Variants in CPPED1 observed in about 807,000 individuals in gnomAD.
The protein encoded by CPPED1 is calcineurin like phosphoesterase domain containing 1.
Under a neutral mutation model 28.0 loss-of-function variants are expected in CPPED1, and 28 were observed. The ratio of observed to expected loss-of-function variants is 1.00; its 90% CI spans 0.74 to 1.37. The LOEUF (loss-of-function observed/expected upper bound fraction) is 1.37, where lower values mean the gene tolerates loss of function less well. CPPED1 is among the 40% of genes most tolerant of loss of function. The pLI is 0.00. For missense variants in CPPED1, 504 were observed against 416.5 expected (o/e 1.21, Z -1.83); for synonymous variants, 198 against 180.2 (o/e 1.10, Z -0.79).
intron 3 of CPPED1, among the ~76,000 whole-genome samples, chr16:12,692,839 G>A (rs1444737505): frequency 6.6e-6 from 1 of 152,184 alleles, no homozygotes; most frequent in Admixed American, 6.5e-5. Context: ...GAAAGAGCAC[G>A]CAGCATAGGG....
intron 2 of CPPED1, among the ~76,000 whole-genome samples, chr16:12,756,942 C>G (rs563893605): frequency 6.6e-6 from 1 of 152,332 alleles, no homozygotes; most frequent in East Asian, 1.9e-4. Flanking sequence ...CTTTCCACAT[C>G]TTACTTCTAA....
At chr16:12,690,183 G>C (rs757794830) in intron 3 of CPPED1, among the ~76,000 whole-genome samples, 3 of 152,100 alleles carry the variant, frequency 2.0e-5, no homozygotes, top group Non-Finnish European at 4.4e-5. Flanking sequence ...GAGTCTGCGG[G>C]GGTGGGTACA....
chr16:12,710,623 G>C (rs1240294334), intron 2 of CPPED1, among the ~76,000 whole-genome samples: 1 of 152,086 alleles, frequency 6.6e-6, no homozygotes, highest in African/African-American at 2.4e-5. Flanking sequence ...AGTATATGGA[G>C]AACTCCTAAA....
chr16:12,721,438 G>T (rs942315034), intron 2 of CPPED1, among the ~76,000 whole-genome samples: 1 of 152,018 alleles, frequency 6.6e-6, no homozygotes, highest in Non-Finnish European at 1.5e-5. Context: ...CTGGAACTAG[G>T]AGTAGAGAAA....
intron 1 of CPPED1, among the ~76,000 whole-genome samples, chr16:12,784,458 T>C (rs1270104714): frequency 6.6e-6 from 1 of 152,182 alleles, no homozygotes; most frequent in African/African-American, 2.4e-5. Context: ...TCAGGGTAAT[T>C]TGTTACACAG....
At chr16:12,684,318 C>T (rs2079921427) in intron 3 of CPPED1, among the ~76,000 whole-genome samples, 1 of 152,178 alleles carries the variant, frequency 6.6e-6, no homozygotes, top group Admixed American at 6.5e-5. Flanking sequence ...TGGGACCAGC[C>T]TGGGCAACAA....
intron 2 of CPPED1, among the ~76,000 whole-genome samples, chr16:12,719,828 C>G (rs1479049285): frequency 6.6e-6 from 1 of 151,858 alleles, no homozygotes; most frequent in Non-Finnish European, 1.5e-5. Flanking sequence ...CCCAGCTACT[C>G]TGGAGGGTGA....
At chr16:12,741,720 C>T (rs1156775145) in intron 2 of CPPED1, among the ~76,000 whole-genome samples, 4 of 152,150 alleles carry the variant, frequency 2.6e-5, no homozygotes, top group Non-Finnish European at 5.9e-5. Flanking sequence ...AGTCTATGTG[C>T]GTGCCTCTCT....
rs1001584731 is a variant in CPPED1, at chr16:12,705,003, A to C, written c.336T>G (p.Leu112=). 6.2e-7 allele frequency: 1 copy of C among 1,614,046 alleles called. No individual in the cohort carries two copies. The highest frequency in any genetic ancestry group is 1.7e-5 in the Admixed American group (1 of 60,018). ...TEQTEDLKRV[L]RAVDRAIPLV... is the part of the protein sequence containing the mutation. ...GTGGGATGGCCCTGTCCACTGCCCTAAGCACTCGCTTCAGGTCCTCCGTCT... is the reference window on the plus strand; with the variant it reads ...GTGGGATGGCCCTGTCCACTGCCCTCAGCACTCGCTTCAGGTCCTCCGTCT... The change falls in exon 3 of 4, where the codon CTT becomes CTG. Residue 112 remains leucine (L), a synonymous_variant. Coordinates refer to ENST00000381774, the MANE Select transcript of CPPED1 (RefSeq NM_018340.3).
intron 2 of CPPED1, among the ~76,000 whole-genome samples, chr16:12,737,667 A>G (rs1001560657): frequency 6.6e-6 from 1 of 152,216 alleles, no homozygotes; most frequent in African/African-American, 2.4e-5. Context: ...TGCCCCCCTG[A>G]AGAATTCTAG....
chr16:12,740,232 G>C (rs988266975), intron 2 of CPPED1, among the ~76,000 whole-genome samples: 1 of 151,898 alleles, frequency 6.6e-6, no homozygotes, highest in Non-Finnish European at 1.5e-5. Flanking sequence ...GGGTACCTGA[G>C]GTCAGGAGTT....
intron 2 of CPPED1, among the ~76,000 whole-genome samples, chr16:12,766,808 C>T (rs2080442392): frequency 6.6e-6 from 1 of 152,144 alleles, no homozygotes; most frequent in Admixed American, 6.6e-5. Context: ...TCCAAGGAAG[C>T]ACAGGAGGTA....
Position 12,665,704 on chromosome 16 carries a change from T to C in CPPED1, c.716-589A>G, listed in dbSNP as rs1299689832. Among the ~76,000 whole-genome samples the C allele has an allele frequency of 3.3e-5, 5 of 151,880 alleles. No individual in the cohort carries two copies. In the East Asian group the frequency reaches 9.6e-4, roughly 29 times the overall value. On this transcript the variant is annotated intron_variant, in intron 3 of 3. Transcript: ENST00000381774. ...CAGCACTTTGGGAGGCCAAGGTGGG[T>C]GGATCACAAGGTCAGGAGTTTGAGA...
chr16:12,711,811 T>G (rs551804199), intron 2 of CPPED1, among the ~76,000 whole-genome samples: 9 of 152,290 alleles, frequency 5.9e-5, no homozygotes, highest in African/African-American at 1.9e-4. Context: ...ATGAAAATAT[T>G]ATCACCTCCT....
At chr16:12,751,738 T>C (rs2141218904) in intron 2 of CPPED1, among the ~76,000 whole-genome samples, 1 of 152,328 alleles carries the variant, frequency 6.6e-6, no homozygotes, top group Non-Finnish European at 1.5e-5. Context: ...GAGGCTTAAA[T>C]AGGACTGATA....
At chr16:12,766,256 T>TATATATATATATATATAGAGAGAGAGAG in intron 2 of CPPED1, among the ~76,000 whole-genome samples, 2 of 134,292 alleles carry the variant, frequency 1.5e-5, no homozygotes, top group African/African-American at 7.0e-5. Flanking sequence ...TATATATATA[T>TATATATATATATATATAGAGAGAGAGAG]AGAGAGAGAG....
intron 3 of CPPED1, among the ~76,000 whole-genome samples, chr16:12,692,257 G>T (rs1325946812): frequency 6.6e-6 from 1 of 152,126 alleles, no homozygotes; most frequent in African/African-American, 2.4e-5. Flanking sequence ...TCAGAGACAG[G>T]CTAACTTTAA....
At chr16:12,748,727 T>A (rs2080307565) in intron 2 of CPPED1, among the ~76,000 whole-genome samples, 1 of 151,776 alleles carries the variant, frequency 6.6e-6, no homozygotes, top group Non-Finnish European at 1.5e-5. Flanking sequence ...CTATTAAAAA[T>A]AAAAAATTAG....
At chr16:12,789,624 C>T (rs559858033) in intron 1 of CPPED1, among the ~76,000 whole-genome samples, 1 of 152,268 alleles carries the variant, frequency 6.6e-6, no homozygotes, top group South Asian at 2.1e-4. Flanking sequence ...TTCCCGGGCT[C>T]AAGTGATCCT....
Sources: allele counts gnomAD v4.1 joint callset (sites outside exome capture counted in the v4.1 genomes callset), GRCh38; gene constraint gnomAD v4.1.1; transcripts MANE v1.5; gene names NCBI Gene and HGNC (gene_info 2026-07-23, HGNC 2026-07-21).